The following ADAP1 variants were observed in gnomAD, a reference collection of about 807,000 sequenced individuals.
ADAP1 encodes arf-GAP with dual PH domain-containing protein 1.
A neutral mutation model predicts 54.9 loss-of-function variants in ADAP1; 31 were observed. That is an observed-to-expected ratio of 0.56 (90% CI 0.42 to 0.76). The LOEUF is 0.76. Among genes scored for constraint, ADAP1 ranks in the 30% least tolerant of loss-of-function variants. The probability of loss-of-function intolerance (pLI) is 0.00; values close to 1 mark genes in which losing one functional copy is unlikely to be tolerated. For synonymous variants in ADAP1, 313 were observed against 202.6 expected (o/e 1.55, Z -4.63); for missense variants, 535 against 512.4 (o/e 1.04, Z -0.42).
At chr7:905,628 GA>G (rs1845186150) in intron 4 of ADAP1, 1 of 174,498 alleles carries the variant, frequency 5.7e-6, no homozygotes, top group Non-Finnish European at 1.1e-5. Flanking sequence ...AAAGGGAAAG[GA>G]GAAAGGGAAA....
chr7:942,392 G>A (rs898367649), intron 1 of ADAP1, among the ~76,000 whole-genome samples: 2 of 114,728 alleles, frequency 1.7e-5, no homozygotes, highest in African/African-American at 3.7e-5. Context: ...GGAGAGAGGA[G>A]GAGGAAGGGA....
At chr7:937,103 CGGATTTGGGGGTCACGCCCGACCTCTG>C (rs1562934025) in intron 1 of ADAP1, among the ~76,000 whole-genome samples, 8 of 79,318 alleles carry the variant, frequency 1.0e-4, no homozygotes, top group East Asian at 3.9e-4. Flanking sequence ...CGCCGGGCCT[CGGATTTGGGGGTCACGCCCGACCTCTG>C]GGATTTGGGG....
At chr7:930,964 A>C (rs973146278) in intron 2 of ADAP1, among the ~76,000 whole-genome samples, 15 of 137,758 alleles carry the variant, frequency 1.1e-4, no homozygotes, top group African/African-American at 3.5e-4. Context: ...TGGGCGACAG[A>C]GTCAGACTGT....
At chr7:921,186 C>T (rs1846180110) in intron 3 of ADAP1, among the ~76,000 whole-genome samples, 1 of 152,226 alleles carries the variant, frequency 6.6e-6, no homozygotes, top group Non-Finnish European at 1.5e-5. Flanking sequence ...CCTCCAGGGT[C>T]CCTCCCACCC....
intron 4 of ADAP1, among the ~76,000 whole-genome samples, chr7:906,748 G>GGGGACATGGACAGGGGACATTGGGGAT (rs1554272458): frequency 4.8e-5 from 1 of 20,884 alleles, no homozygotes; most frequent in African/African-American, 1.6e-4. Flanking sequence ...AGAGTACATA[G>GGGGACATGGACAGGGGACATTGGGGAT]GGGACATGGA....
chr7:922,110 C>T, intron 3 of ADAP1, among the ~76,000 whole-genome samples: 1 of 152,148 alleles, frequency 6.6e-6, no homozygotes, highest in East Asian at 1.9e-4. Flanking sequence ...CCAGTACTGC[C>T]CGGAGCCCTC....
chr7:935,671 T>C (rs1347316920), intron 1 of ADAP1, among the ~76,000 whole-genome samples, 166 bp from the exon 2 acceptor site: 55 of 146,456 alleles, frequency 3.8e-4, no homozygotes, highest in East Asian at 2.0e-3. Context: ...TAACCCCAGC[T>C]CCCCCCCCGC....
chr7:933,496 G>A (rs1238411228), intron 2 of ADAP1, among the ~76,000 whole-genome samples: 3 of 135,948 alleles, frequency 2.2e-5, no homozygotes, highest in African/African-American at 5.7e-5. Context: ...CCGGGGGCCG[G>A]GGTCAGTGGT....
chr7:904,401 G>A (rs1583123494), intron 5 of ADAP1, 129 bp from the exon 6 acceptor site: 1 of 1,228,200 alleles, frequency 8.1e-7, no homozygotes. Flanking sequence ...AGTTACTTAA[G>A]CGCTCTGAGC....
intron 8 of ADAP1, 95 bp from the exon 9 acceptor site, chr7:899,585 G>A (rs994539755): frequency 2.5e-5 from 36 of 1,416,846 alleles, no homozygotes; most frequent in Admixed American, 4.6e-5. Context: ...GGCCCAGACT[G>A]GCCCGGGTCA....
rs55822440 is a variant in ADAP1, at chr7:906,672, C to A, written c.389-1500G>T. On this transcript the variant is annotated intron_variant, in intron 4 of 10. Transcript: ENST00000265846. ...AGGAGAAAGGGGGCGGGAAAGGGGA[C>A]ATGGACAGGGGACACGGGGGACATG... Among the ~76,000 whole-genome samples the A allele has an allele frequency of 6.8e-3, 520 of 76,946 alleles. 22 individuals are homozygous for A. Among genetic ancestry groups the A allele is most frequent in the East Asian group, 0.014 (19 of 1,372 alleles). The allele number at this position is 76,946 out of a possible 152,430, so 50.5% of individuals were successfully genotyped here. A position where few individuals can be genotyped will look rare whatever the true frequency, so the allele number is the denominator to read the frequency against.
intron 3 of ADAP1, chr7:923,437 C>G: frequency 6.6e-6 from 1 of 151,842 alleles, no homozygotes; most frequent in East Asian, 2.0e-4. Context: ...GAAGTAAAAC[C>G]AAGCAGAGCG....
chr7:922,593 T>C (rs1368652404), intron 3 of ADAP1, among the ~76,000 whole-genome samples: 1 of 152,044 alleles, frequency 6.6e-6, no homozygotes, highest in African/African-American at 2.4e-5. Context: ...TCCCTGAGGG[T>C]CCACTCCTGA....
At chr7:947,131 C>T (rs1328777047) in intron 1 of ADAP1, among the ~76,000 whole-genome samples, 1 of 151,726 alleles carries the variant, frequency 6.6e-6, no homozygotes, top group Non-Finnish European at 1.5e-5. Context: ...CCTCGGCCTC[C>T]TGGGCTCAGG....
At chr7:898,973 T>C (rs768717416) in intron 10 of ADAP1, 24 bp from the exon 11 acceptor site, 22 of 1,611,564 alleles carry the variant, frequency 1.4e-5, no homozygotes, top group Non-Finnish European at 1.9e-5. Context: ...GGGTCCAGCG[T>C]TGTCACAGCG....
Position 905,121 on chromosome 7 carries a change from A to C in ADAP1, c.440T>G (p.Leu147Trp). ...WKRGRDNGQF[L>W]SRKFVLTERE... is the part of the protein sequence containing the mutation. ...TTCTGTCAGCACAAACTTCCGGCTC[A>C]AAAACTGCCCGTTGTCCCGGCCACG... Residue 147 changes from leucine to tryptophan, a missense_variant, in exon 5 of 11, where the codon TTG becomes TGG. Physicochemically the swap from Leu to Trp is moderately conservative, Grantham distance 61. Transcript: ENST00000265846. 6.2e-7 allele frequency: 1 copy of C among 1,612,458 alleles called. No individual in the cohort carries two copies. The highest frequency in any genetic ancestry group is 8.5e-7 in the Non-Finnish European group (1 of 1,179,902).
intron 2 of ADAP1, among the ~76,000 whole-genome samples, chr7:929,497 A>G (rs1391167308): frequency 6.8e-6 from 1 of 147,188 alleles, no homozygotes; most frequent in African/African-American, 2.5e-5. Flanking sequence ...CTTGAGCAAC[A>G]TAGTGACACC....
In ADAP1 at chr7:908,496, C is replaced by T. The variant is rs552705623; in HGVS notation, c.389-3324G>A. On this transcript the variant is annotated intron_variant, in intron 4 of 10. Transcript: ENST00000265846. ...ACAAGGCTGCTGCCCCAGCCCCGTG[C>T]GCACAGCAGCAGCCAGGAGCCCCCT... Among the ~76,000 whole-genome samples the T allele has an allele frequency of 2.2e-3, 330 of 152,292 alleles. 5 individuals carry two copies. Among genetic ancestry groups the T allele is most frequent in the Admixed American group, 0.021 (319 of 15,306 alleles).
In ADAP1 at chr7:898,821, T is replaced by C; in HGVS notation, c.*100A>G. On this transcript the variant is annotated 3_prime_UTR_variant, in exon 11 of 11. Transcript: ENST00000265846. ...GCGCCGGGCTGCCCTGAGGAGCAGG[T>C]GGGGCCAGGTGGCCTCAGGACGCCA... 6.7e-7 allele frequency: 1 copy of C among 1,499,824 alleles called. No homozygotes were observed. Among genetic ancestry groups the C allele is most frequent in the Non-Finnish European group, 9.0e-7 (1 of 1,110,158 alleles). The allele number at this position is 1,499,824 out of a possible 1,614,324, so 92.9% of individuals were successfully genotyped here. A position where few individuals can be genotyped will look rare whatever the true frequency, so the allele number is the denominator to read the frequency against.
Sources: allele counts gnomAD v4.1 joint callset (sites outside exome capture counted in the v4.1 genomes callset), GRCh38; gene constraint gnomAD v4.1.1; transcripts MANE v1.5; gene names NCBI Gene and HGNC (gene_info 2026-07-23, HGNC 2026-07-21).